The following NDST4 variants were observed in gnomAD, a reference collection of about 807,000 sequenced individuals.
The protein encoded by NDST4 is N-deacetylase and N-sulfotransferase 4.
A neutral mutation model predicts 100.8 loss-of-function variants in NDST4; 63 were observed. The ratio of observed to expected loss-of-function variants is 0.62; its 90% CI spans 0.51 to 0.77. The LOEUF (loss-of-function observed/expected upper bound fraction) is 0.77. Ranked by LOEUF, NDST4 falls within the 30% of genes least tolerant of loss-of-function variation. NDST4 has a pLI of 0.00. For missense variants in NDST4, 943 were observed against 1,018.4 expected (o/e 0.93, Z 1.01); for synonymous variants, 377 against 361.8 (o/e 1.04, Z -0.48).
At chr4:114,995,774 CT>C (rs1018591756) in intron 2 of NDST4, among the ~76,000 whole-genome samples, 3 of 151,726 alleles carry the variant, frequency 2.0e-5, no homozygotes, top group Admixed American at 6.6e-5. Context: ...ATGCAAAAAA[CT>C]TTTTTTTGAT....
chr4:115,111,771 C>A (rs1729957528), intron 1 of NDST4, among the ~76,000 whole-genome samples: 1 of 151,434 alleles, frequency 6.6e-6, no homozygotes, highest in South Asian at 2.1e-4. Flanking sequence ...TGACCAGGTG[C>A]CATTCAGATA....
At chr4:115,026,481 G>A (rs959456888) in intron 2 of NDST4, among the ~76,000 whole-genome samples, 1 of 151,334 alleles carries the variant, frequency 6.6e-6, no homozygotes. Context: ...TGATTTCTGT[G>A]AAACTCAGAT....
intron 13 of NDST4, among the ~76,000 whole-genome samples, chr4:114,828,765 G>C (rs542391524): frequency 9.9e-5 from 15 of 152,004 alleles, no homozygotes; most frequent in Non-Finnish European, 2.2e-4. Context: ...CTCCTTCATT[G>C]TTTTCCATTT....
chr4:114,961,002 A>C (rs1448782664), intron 4 of NDST4, among the ~76,000 whole-genome samples: 1 of 152,174 alleles, frequency 6.6e-6, no homozygotes, highest in African/African-American at 2.4e-5. Flanking sequence ...AGGAGGGAGG[A>C]ATAGAGTTAT....
At chr4:115,058,314 T>C (rs939744367) in intron 2 of NDST4, among the ~76,000 whole-genome samples, 18 of 152,166 alleles carry the variant, frequency 1.2e-4, no homozygotes, top group African/African-American at 4.1e-4. Context: ...TATATCCTTG[T>C]ACTTGTATTT....
At chr4:114,948,895 G>A (rs1176482658) in intron 4 of NDST4, among the ~76,000 whole-genome samples, 1 of 151,976 alleles carries the variant, frequency 6.6e-6, no homozygotes, top group African/African-American at 2.4e-5. Context: ...AAATGCAAAA[G>A]AGAAAAGAAA....
At chr4:114,979,942 G>C (rs753662061) in intron 2 of NDST4, among the ~76,000 whole-genome samples, 6 of 152,006 alleles carry the variant, frequency 3.9e-5, no homozygotes, top group Non-Finnish European at 8.8e-5. Flanking sequence ...AAGTTTTCAT[G>C]CCATTCAGTT....
At chr4:115,032,272 G>A (rs964775077) in intron 2 of NDST4, among the ~76,000 whole-genome samples, 6 of 151,896 alleles carry the variant, frequency 4.0e-5, no homozygotes, top group African/African-American at 7.3e-5. Flanking sequence ...TCCGAAAAAC[G>A]GTAATAGTCA....
intron 1 of NDST4, among the ~76,000 whole-genome samples, chr4:115,108,508 A>G (rs1729877228): frequency 6.6e-6 from 1 of 151,932 alleles, no homozygotes; most frequent in African/African-American, 2.4e-5. Context: ...TTAAACTACT[A>G]GATATAAAAA....
chr4:114,854,913 C>T (rs970543551), intron 7 of NDST4, among the ~76,000 whole-genome samples: 1 of 152,148 alleles, frequency 6.6e-6, no homozygotes, highest in Non-Finnish European at 1.5e-5. Flanking sequence ...TCCAAGTGTT[C>T]CCTTTTCTCT....
intron 1 of NDST4, among the ~76,000 whole-genome samples, chr4:115,081,164 AT>A (rs1281918517): frequency 6.6e-6 from 1 of 152,114 alleles, no homozygotes; most frequent in Non-Finnish European, 1.5e-5. Flanking sequence ...TAAATGTGAA[AT>A]TTATTTAACA....
intron 5 of NDST4, among the ~76,000 whole-genome samples, chr4:114,936,525 G>A (rs1490887761): frequency 6.6e-6 from 1 of 152,140 alleles, no homozygotes; most frequent in African/African-American, 2.4e-5. Flanking sequence ...AAATGAGTAA[G>A]AACAGTTTGT....
chr4:115,018,630 C>T (rs1020017097), intron 2 of NDST4, among the ~76,000 whole-genome samples: 8 of 151,844 alleles, frequency 5.3e-5, no homozygotes, highest in Non-Finnish European at 1.2e-4. Flanking sequence ...TGTCAAGGAC[C>T]TTGGGCAGAG....
At chr4:114,948,951 T>C (rs1725929165) in intron 4 of NDST4, among the ~76,000 whole-genome samples, 1 of 151,990 alleles carries the variant, frequency 6.6e-6, no homozygotes. Flanking sequence ...GGAGGGATTA[T>C]CCAATTTAAA....
intron 2 of NDST4, among the ~76,000 whole-genome samples, chr4:114,980,970 T>C (rs1285067053): frequency 6.6e-6 from 1 of 152,050 alleles, no homozygotes; most frequent in Non-Finnish European, 1.5e-5. Context: ...ACTAGCACTT[T>C]GGGAAGCTGA....
intron 4 of NDST4, among the ~76,000 whole-genome samples, chr4:114,953,003 G>A (rs1242290047): frequency 6.7e-6 from 1 of 150,182 alleles, no homozygotes; most frequent in Non-Finnish European, 1.5e-5. Context: ...GGGCACACAA[G>A]TTGGCTCATT....
intron 2 of NDST4, among the ~76,000 whole-genome samples, chr4:115,067,264 A>C (rs1198314572): frequency 1.3e-5 from 2 of 152,178 alleles, no homozygotes; most frequent in Non-Finnish European, 2.9e-5. Context: ...TCTGGATTCC[A>C]TTTACCACAA....
intron 2 of NDST4, among the ~76,000 whole-genome samples, chr4:115,061,113 A>T (rs1434295674): frequency 1.3e-5 from 2 of 152,084 alleles, no homozygotes; most frequent in Non-Finnish European, 2.9e-5. Flanking sequence ...TCAAAACCAC[A>T]ATGAGATATC....
chr4:115,102,037 A>T (rs1026663956), intron 1 of NDST4, among the ~76,000 whole-genome samples: 4 of 152,192 alleles, frequency 2.6e-5, no homozygotes, highest in African/African-American at 9.6e-5. Flanking sequence ...TTTGTCCTTA[A>T]TATTACAATG....
Sources: gnomAD v4.1 joint callset for allele counts (sites outside exome capture counted in the v4.1 genomes callset) on GRCh38, gnomAD v4.1.1 for gene constraint, MANE v1.5 for transcripts, NCBI Gene and HGNC (gene_info 2026-07-23, HGNC 2026-07-21) for gene names.